The following CHCHD6 variants were observed in gnomAD, a reference collection of about 807,000 sequenced individuals.
CHCHD6 encodes the protein coiled-coil-helix-coiled-coil-helix domain containing 6.
Under a neutral mutation model 32.3 loss-of-function variants are expected in CHCHD6, and 28 were observed. The ratio of observed to expected loss-of-function variants is 0.87; its 90% CI spans 0.64 to 1.19. The LOEUF is 1.19. Among genes scored for constraint, CHCHD6 ranks in the 50% most tolerant of loss-of-function variants. The pLI is 0.00. For synonymous variants in CHCHD6, 122 were observed against 117.5 expected (o/e 1.04, Z -0.25); for missense variants, 333 against 307.0 (o/e 1.08, Z -0.63).
At chr3:126,737,116 T>G (rs1936077662) in intron 4 of CHCHD6, among the ~76,000 whole-genome samples, 1 of 151,744 alleles carries the variant, frequency 6.6e-6, no homozygotes, top group Admixed American at 6.6e-5. Flanking sequence ...AGGTCAGGAG[T>G]TCGAGACCAG....
chr3:126,735,895 A>G (rs1936021208), intron 4 of CHCHD6, among the ~76,000 whole-genome samples: 1 of 152,192 alleles, frequency 6.6e-6, no homozygotes, highest in Admixed American at 6.5e-5. Flanking sequence ...CATCTCCTAT[A>G]GGAGGTGCTA....
intron 4 of CHCHD6, among the ~76,000 whole-genome samples, chr3:126,850,858 TTCAGCAGCACAC>T (rs1190295909): frequency 1.3e-5 from 2 of 152,296 alleles, no homozygotes; most frequent in South Asian, 4.1e-4. Context: ...GGGACACAGC[TTCAGCAGCACAC>T]TTTGAAAAGC....
At chr3:126,922,514 C>T (rs1442612045) in intron 6 of CHCHD6, among the ~76,000 whole-genome samples, 2 of 152,172 alleles carry the variant, frequency 1.3e-5, no homozygotes, top group East Asian at 1.9e-4. Flanking sequence ...TACTGAGATA[C>T]GTATCTCTCA....
At chr3:126,925,006 G>A (rs941200817) in intron 6 of CHCHD6, among the ~76,000 whole-genome samples, 5 of 152,200 alleles carry the variant, frequency 3.3e-5, no homozygotes, top group African/African-American at 1.2e-4. Flanking sequence ...TTAGTGGGGA[G>A]TAATGAGAGA....
intron 5 of CHCHD6, among the ~76,000 whole-genome samples, chr3:126,899,281 C>G (rs906340768): frequency 6.6e-6 from 1 of 152,126 alleles, no homozygotes; most frequent in Non-Finnish European, 1.5e-5. Flanking sequence ...TTATTCCTAT[C>G]CTGGTCGTTG....
intron 6 of CHCHD6, among the ~76,000 whole-genome samples, chr3:126,952,460 AG>A (rs1250661189): frequency 6.6e-6 from 1 of 152,168 alleles, no homozygotes; most frequent in Admixed American, 6.5e-5. Context: ...TGAGGGGACA[AG>A]GGCAGGGGCC....
At chr3:126,790,748 C>T (rs967681248) in intron 4 of CHCHD6, among the ~76,000 whole-genome samples, 3 of 152,050 alleles carry the variant, frequency 2.0e-5, no homozygotes, top group African/African-American at 7.2e-5. Context: ...AGGTTTTTAA[C>T]TTCTTTGTGA....
At chr3:126,847,024 T>A (rs1304034624) in intron 4 of CHCHD6, among the ~76,000 whole-genome samples, 1 of 152,228 alleles carries the variant, frequency 6.6e-6, no homozygotes. Context: ...TTTTCCTTTC[T>A]TTTATCCAAA....
At chr3:126,894,166 T>C (rs2077804248) in intron 5 of CHCHD6, among the ~76,000 whole-genome samples, 1 of 152,222 alleles carries the variant, frequency 6.6e-6, no homozygotes, top group Non-Finnish European at 1.5e-5. Context: ...GCACACCCAA[T>C]GTCCCCACCC....
At chr3:126,862,517 T>C (rs1190987135) in intron 5 of CHCHD6, among the ~76,000 whole-genome samples, 7 of 42,768 alleles carry the variant, frequency 1.6e-4, no homozygotes, top group Non-Finnish European at 1.4e-4. Flanking sequence ...TCCTCCACCA[T>C]CACCACCTCA....
rs576698211 is a variant in CHCHD6, at chr3:126,913,744, G to A, written c.496-936G>A. Among the ~76,000 whole-genome samples the A allele has an allele frequency of 1.2e-4, 18 of 152,286 alleles. No homozygotes were observed. The South Asian group carries it at 1.2e-3, about 11-fold the overall frequency. Reference sequence around the variant, plus strand: ...TTCACCACACTCCCACCTGGAGCACGGCAGGAGGCTGCTAGCAGATGCGTT... The same window carrying A: ...TTCACCACACTCCCACCTGGAGCACAGCAGGAGGCTGCTAGCAGATGCGTT... On this transcript the variant is annotated intron_variant, in intron 5 of 7. Transcript: ENST00000290913.
chr3:126,710,939 AG>A (rs1934721749), intron 1 of CHCHD6, among the ~76,000 whole-genome samples: 1 of 152,042 alleles, frequency 6.6e-6, no homozygotes, highest in African/African-American at 2.4e-5. Context: ...TGCTTTGGCT[AG>A]GATCTCCAGT....
chr3:126,786,946 T>G (rs1346658863), intron 4 of CHCHD6, among the ~76,000 whole-genome samples: 6 of 152,356 alleles, frequency 3.9e-5, no homozygotes, highest in African/African-American at 1.4e-4. Context: ...TCTAGGGTTT[T>G]TATGGTTTTA....
At chr3:126,889,277 G>A (rs988777070) in intron 5 of CHCHD6, among the ~76,000 whole-genome samples, 4 of 152,176 alleles carry the variant, frequency 2.6e-5, no homozygotes, top group Admixed American at 6.5e-5. Context: ...GTGGTGGCAG[G>A]AGCTGGGGCC....
intron 4 of CHCHD6, among the ~76,000 whole-genome samples, chr3:126,825,767 C>G (rs1326059620): frequency 6.6e-6 from 1 of 152,126 alleles, no homozygotes; most frequent in Admixed American, 6.5e-5. Context: ...TTCACCTTCT[C>G]ACGCTCTTTA....
At chr3:126,911,088 T>C (rs989811096) in intron 5 of CHCHD6, among the ~76,000 whole-genome samples, 2 of 152,184 alleles carry the variant, frequency 1.3e-5, no homozygotes, top group African/African-American at 4.8e-5. Context: ...CAGCCTCAGT[T>C]CAGGTATTGG....
At chr3:126,772,150 G>A (rs1937554028) in intron 4 of CHCHD6, among the ~76,000 whole-genome samples, 2 of 152,172 alleles carry the variant, frequency 1.3e-5, no homozygotes, top group Non-Finnish European at 1.5e-5. Context: ...CACCCAGGCT[G>A]GAGTGTAGTG....
chr3:126,732,281 T>G (rs1419224406), intron 3 of CHCHD6, among the ~76,000 whole-genome samples: 2 of 152,138 alleles, frequency 1.3e-5, no homozygotes, highest in East Asian at 3.9e-4. Flanking sequence ...CATGTTCTTC[T>G]CCACCCAGTC....
At chr3:126,751,729 C>T (rs541012628) in intron 4 of CHCHD6, among the ~76,000 whole-genome samples, 1 of 152,250 alleles carries the variant, frequency 6.6e-6, no homozygotes, top group Admixed American at 6.5e-5. Flanking sequence ...GCCGGGTTGC[C>T]TGGGGTCGAA....
Sources: gnomAD v4.1 joint callset for allele counts (sites outside exome capture counted in the v4.1 genomes callset) on GRCh38, gnomAD v4.1.1 for gene constraint, MANE v1.5 for transcripts, NCBI Gene and HGNC (gene_info 2026-07-23, HGNC 2026-07-21) for gene names.